PKHD1: variants seen among roughly 807,000 people sequenced by gnomAD.
PKHD1 encodes PKHD1 ciliary IPT domain containing fibrocystin/polyductin, also known as fibrocystin.
In PKHD1, 291 loss-of-function variants were observed where a neutral mutation model predicts 412.0. The ratio of observed to expected loss-of-function variants is 0.71; its 90% CI spans 0.64 to 0.78. The LOEUF (loss-of-function observed/expected upper bound fraction) is 0.78, where lower values mean the gene tolerates loss of function less well. Among genes scored for constraint, PKHD1 ranks in the 30% least tolerant of loss-of-function variants. The pLI is 0.00. For synonymous variants in PKHD1, 1,777 were observed against 1,821.5 expected (o/e 0.98, Z 0.62); for missense variants, 4,825 against 4,950.7 (o/e 0.97, Z 0.76).
rs1800726821 is a variant in PKHD1 at position 52,017,492 on chromosome 6, A to G, written c.5518T>C (p.Cys1840Arg). 2.5e-6 allele frequency: 4 copies of G among 1,614,080 alleles called. No homozygotes were observed. The highest frequency in any genetic ancestry group is 3.4e-6 in the Non-Finnish European group (4 of 1,179,908). ...LLESWPYLYI[C>R]EESSQCLFVP... is the part of the protein sequence containing the mutation. The stretch of plus-strand genomic sequence containing the variant: ...AAGAGGCATTGGGAACTTTCCTCGC[A>G]AATGTAGAGGTAAGGCCACGATTCA... The change falls in exon 34 of 67, where the codon TGC (cysteine) becomes CGC (arginine). Residue 1840 changes from cysteine (C) to arginine (R), a missense_variant. By Grantham distance (180) the Cys-to-Arg change is radical. Transcript: ENST00000371117.
intron 6 of PKHD1, among the ~76,000 whole-genome samples, chr6:52,075,078 C>G (rs1336742971): frequency 6.6e-6 from 1 of 152,176 alleles, no homozygotes; most frequent in Non-Finnish European, 1.5e-5. Flanking sequence ...GCAGCAGGGA[C>G]CCACATGTCT....
Position 52,022,815 on chromosome 6 carries a change from A to G in PKHD1, c.5366T>C (p.Val1789Ala), listed in dbSNP as rs755485024. ...NATVSAFSCL[V>A]LPLDVSLAFL... Reference sequence around the variant, plus strand: ...TCTTTACTCACCATCCAGGGGCAGAACCAAGCAGCTGAAGGCAGACACTGT... The same window carrying G: ...TCTTTACTCACCATCCAGGGGCAGAGCCAAGCAGCTGAAGGCAGACACTGT... The change falls in exon 33 of 67, where the codon GTT becomes GCT. Residue 1789 changes from valine (V) to alanine (A), a missense_variant. Physicochemically the swap from Val to Ala is moderately conservative, Grantham distance 64. Coordinates refer to ENST00000371117, the MANE Select transcript of PKHD1 (RefSeq NM_138694.4). 2 of 1,614,128 alleles carry G rather than the reference A, an allele frequency of 1.2e-6. No homozygotes were observed. The highest frequency in any genetic ancestry group is 1.7e-6 in the Non-Finnish European group (2 of 1,180,022).
intron 52 of PKHD1, among the ~76,000 whole-genome samples, chr6:51,826,167 A>C (rs12524977): frequency 0.054 from 8,167 of 152,202 alleles, 228 homozygotes; most frequent in South Asian, 0.072. Flanking sequence ...GATCTTTTGC[A>C]ATTTAACAAG....
At chr6:51,817,913 G>A (rs1455984032) in intron 52 of PKHD1, among the ~76,000 whole-genome samples, 1 of 152,170 alleles carries the variant, frequency 6.6e-6, no homozygotes, top group Non-Finnish European at 1.5e-5. Context: ...GGGCTATACA[G>A]ACACCATCTC....
chr6:51,681,086 G>T (rs1035812905), intron 60 of PKHD1, among the ~76,000 whole-genome samples: 1 of 151,980 alleles, frequency 6.6e-6, no homozygotes, highest in Admixed American at 6.6e-5. Flanking sequence ...ACCCCATTTT[G>T]TCACTGCTGC....
At chr6:51,688,022 G>T (rs1003062384) in intron 60 of PKHD1, among the ~76,000 whole-genome samples, 1 of 152,182 alleles carries the variant, frequency 6.6e-6, no homozygotes, top group African/African-American at 2.4e-5. Context: ...TAGGCAATGT[G>T]ACTTTTTTAT....
intron 52 of PKHD1, among the ~76,000 whole-genome samples, chr6:51,796,529 C>T (rs1456237710): frequency 6.6e-6 from 1 of 150,502 alleles, no homozygotes; most frequent in East Asian, 2.0e-4. Flanking sequence ...TATTTCTTGT[C>T]TTCTGCTAGC....
chr6:52,042,656 A>G (rs1271852654), intron 27 of PKHD1, among the ~76,000 whole-genome samples: 1 of 152,222 alleles, frequency 6.6e-6, no homozygotes, highest in Non-Finnish European at 1.5e-5. Context: ...TGACACCACC[A>G]GCCAAACTAT....
At chr6:51,971,673 G>GT (rs111404708) in intron 35 of PKHD1, among the ~76,000 whole-genome samples, 6 of 151,794 alleles carry the variant, frequency 4.0e-5, no homozygotes, top group African/African-American at 1.5e-4. Flanking sequence ...GGATAACGAA[G>GT]TTTTTTGTTT....
rs1464948680 is a variant in PKHD1 at position 52,024,811 on chromosome 6, C to T, written c.4999G>A (p.Asp1667Asn). 7 of 1,614,210 alleles carry T rather than the reference C, an allele frequency of 4.3e-6. No individual in the cohort carries two copies. The highest frequency in any genetic ancestry group is 2.2e-5 in the East Asian group (1 of 44,882). ...GCCACTGCAAAGGTTAAGATGTCAT[C>T]GCTCTGAGAAATAGAGATCAATTCT... is the stretch of plus-strand genomic sequence containing the variant. ...TPELISISQS[D>N]DILTFAVAQI... The change falls in exon 32 of 67, where the codon GAT becomes AAT. Residue 1667 changes from aspartate (D) to asparagine (N), a missense_variant. By Grantham distance (23) the Asp-to-Asn change is conservative. Transcript: ENST00000371117.
chr6:52,087,378 A>G (rs1812940681), intron 1 of PKHD1, 56 bp downstream of exon 1: 1 of 152,204 alleles, frequency 6.6e-6, no homozygotes, highest in Admixed American at 6.5e-5. Flanking sequence ...GAACGTTAAC[A>G]AGAGATACAA....
intron 36 of PKHD1, among the ~76,000 whole-genome samples, chr6:51,941,593 T>C (rs1788578812): frequency 6.6e-6 from 1 of 151,444 alleles, no homozygotes; most frequent in Admixed American, 6.6e-5. Flanking sequence ...CTCTTTACAA[T>C]TCCACCATTT....
At chr6:51,688,927 A>T (rs1039158422) in intron 60 of PKHD1, among the ~76,000 whole-genome samples, 1 of 152,156 alleles carries the variant, frequency 6.6e-6, no homozygotes, top group African/African-American at 2.4e-5. Context: ...TGTACAAAGA[A>T]AAGCTAGCAA....
Position 51,948,041 on chromosome 6 carries a change from T to A in PKHD1, c.5908+11829A>T, listed in dbSNP as rs186734902. On this transcript the variant is annotated intron_variant, in intron 36 of 66. Transcript: ENST00000371117. ...CTCCATAATCAATACTTCAGGAAAT[T>A]GTATGCATTCCACCTTCAAAACGTC... 3.5e-3 allele frequency among the ~76,000 whole-genome samples: 526 copies of A among 152,194 alleles called. 21 individuals are homozygous for A. Among genetic ancestry groups the A allele is most frequent in the Admixed American group, 0.03 (466 of 15,298 alleles).
At chr6:51,828,254 A>C (rs7773970) in intron 52 of PKHD1, among the ~76,000 whole-genome samples, 83,160 of 151,760 alleles carry the variant, frequency 0.55, 23,732 homozygotes, top group Middle Eastern at 0.72. Context: ...GATTTCCTGC[A>C]AAGCTTCTTT....
At chr6:52,034,545 G>C (rs2128166578) in intron 28 of PKHD1, among the ~76,000 whole-genome samples, 1 of 152,238 alleles carries the variant, frequency 6.6e-6, no homozygotes, top group South Asian at 2.1e-4. Context: ...ATTGGCCAAA[G>C]TGTCAAAAAT....
intron 37 of PKHD1, among the ~76,000 whole-genome samples, chr6:51,928,432 G>A (rs929494721): frequency 3.9e-5 from 6 of 152,074 alleles, no homozygotes; most frequent in Admixed American, 6.6e-5. Flanking sequence ...AAATTGTGTC[G>A]GTTGCATTTG....
At chr6:51,763,810 C>T (rs996891015) in intron 55 of PKHD1, among the ~76,000 whole-genome samples, 5 of 152,032 alleles carry the variant, frequency 3.3e-5, no homozygotes, top group Admixed American at 2.6e-4. Flanking sequence ...GATCTACTAT[C>T]AAGCTCTCCT....
chr6:52,046,653 G>C (rs1482342123), intron 23 of PKHD1, among the ~76,000 whole-genome samples: 1 of 152,232 alleles, frequency 6.6e-6, no homozygotes, highest in Admixed American at 6.5e-5. Flanking sequence ...GCCCAGCTGA[G>C]GAATGTTGGC....
Sources: gnomAD v4.1 joint callset for allele counts (sites outside exome capture counted in the v4.1 genomes callset) on GRCh38, gnomAD v4.1.1 for gene constraint, MANE v1.5 for transcripts, NCBI Gene and HGNC (gene_info 2026-07-23, HGNC 2026-07-21) for gene names.